The following PRKACB variants were observed in gnomAD, a reference collection of about 807,000 sequenced individuals.
The protein encoded by PRKACB is cAMP-dependent protein kinase catalytic subunit beta.
PRKACB carries 16 observed loss-of-function variants against 51.4 expected under a neutral mutation model. The ratio of observed to expected loss-of-function variants is 0.31; its 90% CI spans 0.21 to 0.47. PRKACB has a LOEUF of 0.47. Among genes scored for constraint, PRKACB ranks in the 20% least tolerant of loss-of-function variants. PRKACB has a pLI of 1.00. For missense variants in PRKACB, 309 were observed against 464.5 expected (o/e 0.67, Z 3.08); for synonymous variants, 147 against 154.4 (o/e 0.95, Z 0.35).
intron 9 of PRKACB, among the ~76,000 whole-genome samples, chr1:84,218,805 T>G (rs1673244040): frequency 6.6e-6 from 1 of 152,172 alleles, no homozygotes; most frequent in African/African-American, 2.4e-5. Flanking sequence ...CAGCACTTGG[T>G]GTTTTTTGCC....
At chr1:84,080,474 G>A (rs1647438732) in intron 1 of PRKACB, among the ~76,000 whole-genome samples, 1 of 152,126 alleles carries the variant, frequency 6.6e-6, no homozygotes, top group Non-Finnish European at 1.5e-5. Context: ...GGTCATTATA[G>A]TAGTTTAAAA....
intron 9 of PRKACB, among the ~76,000 whole-genome samples, chr1:84,230,267 G>A (rs1675398155): frequency 6.6e-6 from 1 of 151,544 alleles, no homozygotes. Flanking sequence ...ATTTCTGAGG[G>A]CTCTGTTCTG....
intron 8 of PRKACB, chr1:84,205,272 A>G: frequency 1.0e-6 from 1 of 982,930 alleles, no homozygotes; most frequent in Non-Finnish European, 1.2e-6. Flanking sequence ...CCATTTCCCA[A>G]TAAATCATCT....
At chr1:84,232,764 G>T (rs1256335434) in intron 9 of PRKACB, among the ~76,000 whole-genome samples, 2 of 151,794 alleles carry the variant, frequency 1.3e-5, no homozygotes, top group African/African-American at 4.8e-5. Context: ...CCATTTGCTT[G>T]GTAGATCTTC....
At chr1:84,218,634 A>G (rs911139757) in intron 9 of PRKACB, among the ~76,000 whole-genome samples, 7 of 152,300 alleles carry the variant, frequency 4.6e-5, no homozygotes, top group Middle Eastern at 3.4e-3. Flanking sequence ...CAGGTATTGC[A>G]TTGATATACT....
chr1:84,131,422 AAAG>A (rs1356081922), intron 1 of PRKACB, among the ~76,000 whole-genome samples: 1 of 152,174 alleles, frequency 6.6e-6, no homozygotes, highest in African/African-American at 2.4e-5. Flanking sequence ...AACATCAAAA[AAAG>A]GGAAAAAAGC....
Position 84,214,253 on chromosome 1 carries a change from T to C in PRKACB, c.1007T>C (p.Val336Ala). ...AGATTTGGAAATCTAAAGAATGGTG[T>C]CAGTGATATAAAAACTCACAAGTGG... is the stretch of plus-strand genomic sequence containing the variant. ...TKRFGNLKNG[V>A]SDIKTHKWFA... is the part of the protein sequence containing the mutation. Residue 336 changes from valine (V) to alanine (A), a missense_variant, in exon 9 of 10, where the codon GTC becomes GCC. Coordinates refer to ENST00000370685, the MANE Select transcript of PRKACB (RefSeq NM_182948.4). The C allele has an allele frequency of 6.2e-7, 1 of 1,613,410 alleles. No homozygotes were observed. The highest frequency in any genetic ancestry group is 2.2e-5 in the East Asian group (1 of 44,828).
In PRKACB at chr1:84,193,361, C is replaced by T. The variant is rs938323917; in HGVS notation, c.561-3255C>T. ...GAAGTATGTCAGCTTTAGGATCCCACTTCTGACACCAAGTATATCAAAGTC... is the reference window on the plus strand; with the variant it reads ...GAAGTATGTCAGCTTTAGGATCCCATTTCTGACACCAAGTATATCAAAGTC... On this transcript the variant is annotated intron_variant, in intron 5 of 9. Transcript: ENST00000370685. Among the ~76,000 whole-genome samples, 3 of 152,138 alleles carry T rather than the reference C, an allele frequency of 2.0e-5. No homozygotes were observed. The South Asian group carries it at 6.2e-4, about 32-fold the overall frequency.
chr1:84,162,720 T>G (rs1247381416), intron 1 of PRKACB, among the ~76,000 whole-genome samples: 2 of 152,170 alleles, frequency 1.3e-5, no homozygotes, highest in Admixed American at 1.3e-4. Context: ...ACAATTTTCT[T>G]TTAATTATTT....
chr1:84,227,952 A>G (rs1042175721), intron 9 of PRKACB, among the ~76,000 whole-genome samples: 15 of 152,224 alleles, frequency 9.9e-5, no homozygotes, highest in Non-Finnish European at 2.1e-4. Context: ...TAGCCTGAAC[A>G]ACTCAAACTG....
At chr1:84,196,434 T>C (rs1473500192) in intron 5 of PRKACB, among the ~76,000 whole-genome samples, 182 bp from the exon 6 acceptor site, 2 of 152,222 alleles carry the variant, frequency 1.3e-5, no homozygotes, top group Non-Finnish European at 2.9e-5. Context: ...AGAGCGTTAT[T>C]TGAACAAAAT....
intron 1 of PRKACB, among the ~76,000 whole-genome samples, chr1:84,162,076 T>G (rs1019324586): frequency 2.0e-5 from 3 of 152,018 alleles, no homozygotes; most frequent in African/African-American, 7.2e-5. Context: ...GATAGAGAAA[T>G]GTTGGTGGAT....
At chr1:84,139,115 C>T (rs981601107) in intron 1 of PRKACB, among the ~76,000 whole-genome samples, 1 of 152,090 alleles carries the variant, frequency 6.6e-6, no homozygotes, top group Non-Finnish European at 1.5e-5. Context: ...TGCTTTCTTC[C>T]TAAGACTTGG....
chr1:84,106,846 T>G (rs1234419252), intron 1 of PRKACB, among the ~76,000 whole-genome samples: 2 of 152,174 alleles, frequency 1.3e-5, no homozygotes, highest in African/African-American at 4.8e-5. Flanking sequence ...ATTGCCTGAC[T>G]TCAAACTGTA....
At chr1:84,105,274 G>A (rs1457322247) in intron 1 of PRKACB, among the ~76,000 whole-genome samples, 1 of 152,032 alleles carries the variant, frequency 6.6e-6, no homozygotes, top group Non-Finnish European at 1.5e-5. Flanking sequence ...CCTCTCTTCT[G>A]GATGTTTTTT....
chr1:84,171,010 ATTAC>A (rs1241988553), intron 1 of PRKACB, among the ~76,000 whole-genome samples: 4 of 151,734 alleles, frequency 2.6e-5, no homozygotes, highest in Non-Finnish European at 4.4e-5. Context: ...TCAATTCTTA[ATTAC>A]TTAACTACCA....
chr1:84,078,170 C>T (rs1261746714), exon 1 of PRKACB: 3 of 767,814 alleles, frequency 3.9e-6, no homozygotes, highest in African/African-American at 1.8e-5. Flanking sequence ...TCCTCAGACC[C>T]GGCCCGGTCT....
rs139541703 is a variant in PRKACB at position 84,100,138 on chromosome 1, ATCT to A, written c.46+21773_46+21775del. On this transcript the variant is annotated intron_variant, in intron 1 of 8. Coordinates refer to the PRKACB transcript ENST00000370688. ...ATTCATGGTAGAAGGGAAAGCAGACATCTTCTTCACAAGGTGACAGGAGAGAGT... is the reference window on the plus strand; with the variant it reads ...ATTCATGGTAGAAGGGAAAGCAGACATCTTCACAAGGTGACAGGAGAGAGT... Among the ~76,000 whole-genome samples the A allele has an allele frequency of 1.2e-3, 188 of 152,310 alleles. 1 individual carries two copies. The highest frequency in any genetic ancestry group is 4.2e-3 in the African/African-American group (176 of 41,570).
intron 8 of PRKACB, among the ~76,000 whole-genome samples, chr1:84,210,205 G>A (rs905794517): frequency 1.3e-5 from 2 of 152,104 alleles, no homozygotes; most frequent in Admixed American, 6.6e-5. Flanking sequence ...AAAATCAGAA[G>A]TAATATGGTC....
Sources: allele counts gnomAD v4.1 joint callset (sites outside exome capture counted in the v4.1 genomes callset), GRCh38; gene constraint gnomAD v4.1.1; transcripts MANE v1.5; gene names NCBI Gene and HGNC (gene_info 2026-07-23, HGNC 2026-07-21).